ANO4: variants seen among roughly 807,000 people sequenced by gnomAD.
The protein encoded by ANO4 is anoctamin 4.
ANO4 carries 69 observed loss-of-function variants against 141.9 expected under a neutral mutation model. The observed-to-expected ratio is 0.49, with a 90% confidence interval of 0.40 to 0.59. The LOEUF is 0.59. Among genes scored for constraint, ANO4 ranks in the 20% least tolerant of loss-of-function variants. ANO4 has a pLI of 0.00. For synonymous variants in ANO4, 350 were observed against 394.3 expected, an observed-to-expected ratio of 0.89 and a Z score of 1.33; for missense variants, 894 against 1,162.2, an observed-to-expected ratio of 0.77 and a Z score of 3.36.
chr12:101,048,763 G>A (rs1001959538), intron 14 of ANO4, among the ~76,000 whole-genome samples: 2 of 152,144 alleles, frequency 1.3e-5, no homozygotes, highest in East Asian at 3.9e-4. Flanking sequence ...TAATGTGTGA[G>A]TACCCACCTT....
At chr12:100,810,699 T>C (rs1417199780) in intron 1 of ANO4, among the ~76,000 whole-genome samples, 2 of 152,018 alleles carry the variant, frequency 1.3e-5, no homozygotes, top group African/African-American at 4.8e-5. Flanking sequence ...AATGGGCAAG[T>C]GTAGATTAGA....
At chr12:100,847,265 G>A in intron 1 of ANO4, among the ~76,000 whole-genome samples, 1 of 152,162 alleles carries the variant, frequency 6.6e-6, no homozygotes, top group Admixed American at 6.5e-5. Flanking sequence ...ACATACACTT[G>A]CTTTTTTGGA....
At chr12:100,863,362 A>T (rs1462150763) in intron 1 of ANO4, among the ~76,000 whole-genome samples, 1 of 152,184 alleles carries the variant, frequency 6.6e-6, no homozygotes, top group Non-Finnish European at 1.5e-5. Flanking sequence ...CATCTGTTAG[A>T]TAATAATTCA....
chr12:100,941,239 A>G (rs976682915), intron 4 of ANO4, among the ~76,000 whole-genome samples: 3 of 152,086 alleles, frequency 2.0e-5, no homozygotes, highest in Non-Finnish European at 1.5e-5. Flanking sequence ...AGAAACACTG[A>G]ACTAGAATAT....
intron 22 of ANO4, among the ~76,000 whole-genome samples, chr12:101,107,250 A>C (rs1325379332): frequency 6.6e-6 from 1 of 152,150 alleles, no homozygotes; most frequent in African/African-American, 2.4e-5. Context: ...CATGTCAGTC[A>C]TTGAACCAGC....
At chr12:101,066,878 G>A in intron 14 of ANO4, 2 of 1,072,242 alleles carry the variant, frequency 1.9e-6, no homozygotes, top group East Asian at 2.4e-5. Flanking sequence ...CAAATTTACA[G>A]TGCACACAAA....
exon 3 of ANO4, chr12:100,740,018 C>T (rs2031794208): frequency 4.3e-6 from 3 of 702,594 alleles, no homozygotes; most frequent in South Asian, 3.0e-5. Context: ...CCAGGCCACA[C>T]CTTTGTCCTG....
At chr12:101,107,695 T>C (rs1356189156) in intron 22 of ANO4, among the ~76,000 whole-genome samples, 1 of 152,166 alleles carries the variant, frequency 6.6e-6, no homozygotes, top group Non-Finnish European at 1.5e-5. Context: ...GATCCTTGAA[T>C]GGCATGGTGA....
At chr12:101,125,604 T>C (rs1321536675) in intron 26 of ANO4, among the ~76,000 whole-genome samples, 1 of 152,228 alleles carries the variant, frequency 6.6e-6, no homozygotes, top group Non-Finnish European at 1.5e-5. Context: ...TGGATTGTTA[T>C]CAAAGACCTT....
rs775165984 is a variant in ANO4 at position 100,901,814 on chromosome 12, A to G, written c.29A>G (p.Asn10Ser). The change falls in exon 2 of 28, where the codon AAT becomes AGT. Residue 10 changes from asparagine to serine, a missense_variant. By Grantham distance (46) the Asn-to-Ser change is conservative. Transcript: ENST00000392977. ...GAGGCAAGCTCTTCTGGAATCACTA[A>G]TGGAAAAACCAAAGTCTTCCACCCA... MEASSSGITNGKTKVFHPEG... is the reference protein window; with the variant it reads MEASSSGITSGKTKVFHPEG... The G allele has an allele frequency of 4.3e-5, 69 of 1,611,122 alleles. No individual in the cohort carries two copies. The highest frequency in any genetic ancestry group is 5.6e-5 in the Non-Finnish European group (66 of 1,179,104).
At chr12:100,767,573 T>C (rs190276115) in intron 3 of ANO4, among the ~76,000 whole-genome samples, 2 of 152,350 alleles carry the variant, frequency 1.3e-5, no homozygotes. Flanking sequence ...GCAGGTGGTG[T>C]ATACAGTAGT....
At chr12:100,808,314 G>C (rs1316049857) in intron 1 of ANO4, among the ~76,000 whole-genome samples, 2 of 152,122 alleles carry the variant, frequency 1.3e-5, no homozygotes, top group African/African-American at 4.8e-5. Context: ...GATCAATGAT[G>C]TCAAGCTTTT....
intron 14 of ANO4, among the ~76,000 whole-genome samples, chr12:101,077,147 C>T (rs141979940): frequency 3.9e-5 from 6 of 152,308 alleles, no homozygotes; most frequent in African/African-American, 1.2e-4. Context: ...CCTATGTGAC[C>T]AGCCCCCAAT....
chr12:100,877,872 C>A (rs2039392694), intron 1 of ANO4, among the ~76,000 whole-genome samples: 1 of 152,108 alleles, frequency 6.6e-6, no homozygotes, highest in African/African-American at 2.4e-5. Context: ...GCACATAAAT[C>A]TTCTCTGACC....
intron 14 of ANO4, among the ~76,000 whole-genome samples, chr12:101,070,821 G>A (rs1285675727): frequency 6.6e-6 from 1 of 152,014 alleles, no homozygotes; most frequent in Non-Finnish European, 1.5e-5. Flanking sequence ...CTACTTTGTA[G>A]GAAAAAGACC....
At chr12:100,844,772 AT>A (rs2037469750) in intron 1 of ANO4, among the ~76,000 whole-genome samples, 1 of 91,340 alleles carries the variant, frequency 1.1e-5, no homozygotes, top group Non-Finnish European at 2.5e-5. Flanking sequence ...GAGGTATAAA[AT>A]AGTCAGCCGG....
intron 3 of ANO4, among the ~76,000 whole-genome samples, chr12:100,770,022 A>G (rs2033228958): frequency 6.6e-6 from 1 of 152,242 alleles, no homozygotes; most frequent in African/African-American, 2.4e-5. Flanking sequence ...CATTATGCAG[A>G]CAGCAATAAA....
At chr12:100,912,491 G>A (rs964020187) in intron 2 of ANO4, among the ~76,000 whole-genome samples, 1 of 150,698 alleles carries the variant, frequency 6.6e-6, no homozygotes, top group African/African-American at 2.4e-5. Flanking sequence ...CTGAGATTGT[G>A]CCACTGCACT....
chr12:100,921,112 T>G (rs899272524), intron 2 of ANO4, among the ~76,000 whole-genome samples: 1 of 152,110 alleles, frequency 6.6e-6, no homozygotes, highest in African/African-American at 2.4e-5. Flanking sequence ...ATAGCCTCAT[T>G]CATTCATTCA....
Sources: allele counts gnomAD v4.1 joint callset (sites outside exome capture counted in the v4.1 genomes callset), GRCh38; gene constraint gnomAD v4.1.1; transcripts MANE v1.5; gene names NCBI Gene and HGNC (gene_info 2026-07-23, HGNC 2026-07-21).